Variants in EPN3 observed in about 807,000 individuals in gnomAD.
EPN3 encodes the protein epsin-3.
EPN3 carries 56 observed loss-of-function variants against 55.5 expected under a neutral mutation model. That is an observed-to-expected ratio of 1.01 (90% CI 0.81 to 1.26). The LOEUF is 1.26. Ranked by LOEUF, EPN3 falls within the 50% of genes most tolerant of loss-of-function variation. The pLI is 0.00. For missense variants in EPN3, 927 were observed against 853.4 expected (o/e 1.09, Z -1.07); for synonymous variants, 449 against 375.2 (o/e 1.20, Z -2.27).
Position 50,541,819 on chromosome 17 carries a change from A to G in EPN3, c.1586-25A>G, listed in dbSNP as rs200160943. 1.7e-5 allele frequency: 28 copies of G among 1,610,506 alleles called. No homozygotes were observed. The African/African-American group carries it at 3.3e-4, about 19-fold the overall frequency. On this transcript the variant is annotated intron_variant, in intron 9 of 9. Coordinates refer to ENST00000268933, the MANE Select transcript of EPN3 (RefSeq NM_017957.3). Reference sequence around the variant, plus strand: ...GGTGTAGGGCTCTGAACCCCGGGTCACTCAAAGCCACTCTCGTTCTGCAGG... The same window carrying G: ...GGTGTAGGGCTCTGAACCCCGGGTCGCTCAAAGCCACTCTCGTTCTGCAGG...
rs776207771 is a variant in EPN3, at chr17:50,541,872, G to A, written c.1614G>A (p.Pro538=). Residue 538 remains proline, a synonymous_variant, in exon 10 of 10, where the codon CCG becomes CCA. Coordinates refer to ENST00000268933, the MANE Select transcript of EPN3 (RefSeq NM_017957.3). ...TCAGCGCTCCGTCCCCCACCAACCCGTTCGGCGCGGGCGAGCCGGGCAGGC... is the reference window on the plus strand; with the variant it reads ...TCAGCGCTCCGTCCCCCACCAACCCATTCGGCGCGGGCGAGCCGGGCAGGC... ...TGLSAPSPTN[P]FGAGEPGRPT... is the part of the protein sequence containing the mutation. The A allele has an allele frequency of 1.4e-5, 22 of 1,608,676 alleles. No individual in the cohort carries two copies. The highest frequency in any genetic ancestry group is 1.1e-4 in the East Asian group (5 of 44,868).
rs745860568 is a variant in EPN3, at chr17:50,536,792, C to T, written c.236C>T (p.Thr79Ile). 12 of 1,614,180 alleles carry T rather than the reference C, an allele frequency of 7.4e-6. No individual in the cohort carries two copies. The highest frequency in any genetic ancestry group is 1.0e-5 in the Non-Finnish European group (12 of 1,180,042). ...TGGCGGCACGTGTACAAGGCTCTAA[C>T]ATTGCTGGACTACCTGCTCAAGACG... ...KNWRHVYKALTLLDYLLKTGS... is the reference protein window; with the variant it reads ...KNWRHVYKALILLDYLLKTGS... Residue 79 changes from threonine (T) to isoleucine (I), a missense_variant, in exon 2 of 10, where the codon ACA (threonine) becomes ATA (isoleucine). Transcript: ENST00000268933.
intron 1 of EPN3, among the ~76,000 whole-genome samples, chr17:50,533,601 T>C (rs1244889145): frequency 1.3e-5 from 2 of 152,204 alleles, no homozygotes; most frequent in Non-Finnish European, 2.9e-5. Flanking sequence ...TTGCTGGGGA[T>C]GAGCGATCTG....
chr17:50,533,945 G>C (rs780617434), intron 1 of EPN3, among the ~76,000 whole-genome samples: 1 of 152,168 alleles, frequency 6.6e-6, no homozygotes, highest in Non-Finnish European at 1.5e-5. Flanking sequence ...CCGCCTTATC[G>C]GCCGCTGGGT....
At chr17:50,538,774 T>C (rs959019825) in intron 3 of EPN3, 110 bp from the exon 4 acceptor site, 28 of 754,996 alleles carry the variant, frequency 3.7e-5, no homozygotes, top group Non-Finnish European at 5.4e-5. Flanking sequence ...CCATGCACAC[T>C]GAGGGTGGGC....
rs148637970 is a variant in EPN3 at position 50,538,097 on chromosome 17, G to C, written c.581G>C (p.Arg194Pro). Residue 194 changes from arginine to proline, a missense_variant, in exon 3 of 10, where the codon CGC (arginine) becomes CCC (proline). Physicochemically the swap from Arg to Pro is moderately radical, Grantham distance 103. Transcript: ENST00000268933. ...ATTGCAGCCTCCTCTTCGTCACCCC[G>C]CTATACCTCCGACCTGGAGCAGGCC... The part of the protein sequence containing the change: ...SSYNSSSSSP[R>P]YTSDLEQARP... 5.0e-6 allele frequency: 8 copies of C among 1,613,848 alleles called. No individual in the cohort carries two copies. In the Middle Eastern group the frequency reaches 4.9e-4, roughly 100 times the overall value.
chr17:50,536,171 A>G (rs1486919308), intron 1 of EPN3: 1 of 251,696 alleles, frequency 4.0e-6, no homozygotes, highest in Non-Finnish European at 7.8e-6. Flanking sequence ...TAATACTCTG[A>G]GCCCCACCTT....
In EPN3 at chr17:50,536,512, C is replaced by CA. The variant is rs1299321853; in HGVS notation, c.-44dup. ...CTCGCCACAGTGGCCCTCAGCCCTC[C>CA]ACCTCCGGCGGGGGCGAGGGCCACC... is the stretch of plus-strand genomic sequence containing the variant. On this transcript the variant is annotated 5_prime_UTR_variant, in exon 2 of 10. Coordinates refer to ENST00000268933, the MANE Select transcript of EPN3 (RefSeq NM_017957.3). The CA allele has an allele frequency of 6.2e-7, 1 of 1,611,094 alleles. No individual in the cohort carries two copies. Among genetic ancestry groups the CA allele is most frequent in the African/African-American group, 1.3e-5 (1 of 74,988 alleles).
chr17:50,538,660 G>C (rs1480848661), intron 3 of EPN3: 2 of 475,590 alleles, frequency 4.2e-6, no homozygotes, highest in African/African-American at 4.0e-5. Context: ...GGAACTCTCA[G>C]AGGATTCAGA....
chr17:50,539,368 A>C, intron 5 of EPN3, 53 bp downstream of exon 5: 2 of 1,609,850 alleles, frequency 1.2e-6, no homozygotes, highest in African/African-American at 1.3e-5. Flanking sequence ...AGATGGACTG[A>C]GTATTTGTAA....
chr17:50,540,718 CTGGG>C, intron 6 of EPN3, 71 bp from the exon 7 acceptor site: 1 of 1,504,818 alleles, frequency 6.6e-7, no homozygotes. Context: ...CCAACTTGGG[CTGGG>C]TAACTGGGAA....
chr17:50,534,369 G>C (rs1425077660), intron 1 of EPN3: 1 of 979,378 alleles, frequency 1.0e-6, no homozygotes, highest in African/African-American at 1.8e-5. Context: ...CACAGGCCAG[G>C]CCGGAGGGCC....
chr17:50,534,471 G>A (rs1293053374), intron 1 of EPN3: 1 of 985,418 alleles, frequency 1.0e-6, no homozygotes, highest in Non-Finnish European at 1.2e-6. Context: ...GGCGTGTGCT[G>A]GGCGGGCTTT....
At chr17:50,535,775 G>A (rs2034750692) in intron 1 of EPN3, among the ~76,000 whole-genome samples, 1 of 152,204 alleles carries the variant, frequency 6.6e-6, no homozygotes, top group Admixed American at 6.5e-5. Context: ...CGGGAAATAG[G>A]TGTTGAATGC....
Position 50,540,977 on chromosome 17 carries a change from C to T in EPN3, c.1164C>T (p.Pro388=), listed in dbSNP as rs760330152. 1.2e-6 allele frequency: 2 copies of T among 1,612,216 alleles called. No individual in the cohort carries two copies. Among genetic ancestry groups the T allele is most frequent in the Non-Finnish European group, 1.7e-6 (2 of 1,179,568 alleles). ...CTGCTGGGCCCCCCACCACAGACCC[C>T]TGGGCCCTGAACTCTCCCCACCACA... The part of the protein sequence containing the change: ...VLPAGPPTTD[P]WALNSPHHKL... Residue 388 remains proline, a synonymous_variant, in exon 7 of 10, where the codon CCC becomes CCT. Coordinates refer to ENST00000268933, the MANE Select transcript of EPN3 (RefSeq NM_017957.3).
In EPN3 at chr17:50,543,274, C is replaced by T. The variant is rs895742784; in HGVS notation, c.*1117C>T. On this transcript the variant is annotated 3_prime_UTR_variant, in exon 10 of 10. Coordinates refer to ENST00000268933, the MANE Select transcript of EPN3 (RefSeq NM_017957.3). Reference sequence around the variant, plus strand: ...TTGCTTCGCCAAGGCTAGCGAGAAACTCAGTCTTAGCCACACAGGAGGAAT... The same window carrying T: ...TTGCTTCGCCAAGGCTAGCGAGAAATTCAGTCTTAGCCACACAGGAGGAAT... 7 of 152,282 alleles carry T rather than the reference C, an allele frequency of 4.6e-5. No individual in the cohort carries two copies. 9.4% of individuals were successfully genotyped at this position (152,282 alleles called of 1,614,324 possible). A position where few individuals can be genotyped will look rare whatever the true frequency, so the allele number is the denominator to read the frequency against.
At chr17:50,537,800 T>A (rs1419255914) in intron 2 of EPN3, 8 of 411,748 alleles carry the variant, frequency 1.9e-5, no homozygotes, top group Non-Finnish European at 3.0e-5. Context: ...AGAGCTGGAG[T>A]CAGGGCACCT....
In EPN3 at chr17:50,532,949, C is replaced by G; in HGVS notation, c.-173C>G. On this transcript the variant is annotated 5_prime_UTR_variant, in exon 1 of 10. Transcript: ENST00000268933. ...TCGGAGGGTCACCGCAGAGGCTACT[C>G]GGGCTGGGGCTGGGGCCGAGGGAGC... 7.8e-7 allele frequency: 1 copy of G among 1,285,768 alleles called. No individual in the cohort carries two copies. Among genetic ancestry groups the G allele is most frequent in the Non-Finnish European group, 1.0e-6 (1 of 987,440 alleles). 79.6% of individuals were successfully genotyped at this position (1,285,768 alleles called of 1,614,324 possible).
chr17:50,538,078 G>A lies in EPN3; in HGVS notation c.563-1G>A. The A allele has an allele frequency of 6.2e-7, 1 of 1,612,616 alleles. No individual in the cohort carries two copies. The highest frequency in any genetic ancestry group is 8.5e-7 in the Non-Finnish European group (1 of 1,178,796). Reference sequence around the variant, plus strand: ...TCACAGAGACATGATGGTCATTGCAGCCTCCTCTTCGTCACCCCGCTATAC... The same window carrying A: ...TCACAGAGACATGATGGTCATTGCAACCTCCTCTTCGTCACCCCGCTATAC... On this transcript the variant is annotated splice_acceptor_variant, in intron 2 of 9. Transcript: ENST00000268933. LOFTEE classifies it high-confidence loss of function.
Sources: allele counts gnomAD v4.1 joint callset (sites outside exome capture counted in the v4.1 genomes callset), GRCh38; gene constraint gnomAD v4.1.1; transcripts MANE v1.5; gene names NCBI Gene and HGNC (gene_info 2026-07-23, HGNC 2026-07-21).